ARHGAP17: variants seen among roughly 807,000 people sequenced by gnomAD.
ARHGAP17 encodes rho GTPase-activating protein 17.
A neutral mutation model predicts 99.5 loss-of-function variants in ARHGAP17; 57 were observed. The ratio of observed to expected loss-of-function variants is 0.57; its 90% CI spans 0.46 to 0.71. ARHGAP17 has a LOEUF of 0.71. Among genes scored for constraint, ARHGAP17 ranks in the 30% least tolerant of loss-of-function variants. ARHGAP17 has a pLI of 0.00. For missense variants in ARHGAP17, 1,000 were observed against 1,122.4 expected (o/e 0.89, Z 1.56); for synonymous variants, 417 against 429.6 (o/e 0.97, Z 0.36).
At chr16:24,947,322 G>A (rs1471123890) in intron 14 of ARHGAP17, among the ~76,000 whole-genome samples, 160 bp downstream of exon 14, 1 of 152,184 alleles carries the variant, frequency 6.6e-6, no homozygotes. Context: ...ACAGCACCCA[G>A]CTCACAGCTG....
intron 18 of ARHGAP17, among the ~76,000 whole-genome samples, 162 bp from the exon 19 acceptor site, chr16:24,931,566 A>C (rs1251318361): frequency 6.6e-6 from 1 of 152,146 alleles, no homozygotes; most frequent in Non-Finnish European, 1.5e-5. Context: ...CTTCCTCCCC[A>C]AAGCCCATAA....
intron 17 of ARHGAP17, chr16:24,936,075 C>T (rs192944566): frequency 4.7e-5 from 14 of 296,434 alleles, no homozygotes; most frequent in African/African-American, 2.7e-4. Flanking sequence ...TGCGTTTGGA[C>T]TTAAATTGGG....
At chr16:24,985,217 T>TA (rs1429196227) in intron 1 of ARHGAP17, among the ~76,000 whole-genome samples, 1 of 151,974 alleles carries the variant, frequency 6.6e-6, no homozygotes. Context: ...CTAAATAATA[T>TA]AAAGAATTAT....
chr16:25,002,466 T>C (rs2053388059), intron 1 of ARHGAP17, among the ~76,000 whole-genome samples: 2 of 152,174 alleles, frequency 1.3e-5, no homozygotes, highest in East Asian at 1.9e-4. Context: ...GCCAGCTGAC[T>C]TCCCACAGCA....
intron 18 of ARHGAP17, among the ~76,000 whole-genome samples, chr16:24,934,568 C>T (rs2051083155): frequency 6.6e-6 from 1 of 152,192 alleles, no homozygotes; most frequent in Non-Finnish European, 1.5e-5. Flanking sequence ...ATCCTCCTGC[C>T]TCAGCCTCCT....
At chr16:24,922,588 G>C (rs1482054061) in intron 19 of ARHGAP17, among the ~76,000 whole-genome samples, 1 of 151,876 alleles carries the variant, frequency 6.6e-6, no homozygotes, top group Non-Finnish European at 1.5e-5. Flanking sequence ...CAATGACTTT[G>C]TTTACACACA....
intron 9 of ARHGAP17, chr16:24,956,218 C>A (rs62032850): frequency 2.6e-5 from 4 of 151,996 alleles, no homozygotes; most frequent in African/African-American, 7.3e-5. Flanking sequence ...TGCTAAGGGG[C>A]GGGCATGCTT....
At chr16:25,008,329 A>AT (rs1303777053) in intron 1 of ARHGAP17, among the ~76,000 whole-genome samples, 3 of 152,168 alleles carry the variant, frequency 2.0e-5, no homozygotes, top group Non-Finnish European at 2.9e-5. Flanking sequence ...TGATTATGGG[A>AT]TTTTGTCCCA....
intron 14 of ARHGAP17, among the ~76,000 whole-genome samples, chr16:24,946,877 C>A (rs1055273548): frequency 5.9e-5 from 9 of 152,226 alleles, no homozygotes; most frequent in Non-Finnish European, 1.2e-4. Flanking sequence ...TTCAGTTCCA[C>A]CTGCTTCTTT....
rs944948943 is a variant in ARHGAP17, at chr16:25,015,319, T to G, written c.-58A>C. 2.4e-6 allele frequency: 3 copies of G among 1,250,684 alleles called. No homozygotes were observed. The highest frequency in any genetic ancestry group is 3.1e-5 in the African/African-American group (2 of 63,568). The allele number at this position is 1,250,684 out of a possible 1,614,324, so 77.5% of individuals were successfully genotyped here. On this transcript the variant is annotated 5_prime_UTR_variant, in exon 1 of 20. Transcript: ENST00000289968. ...GGGCCGGGCAGGGCGGGGGACAGCC[T>G]GGCAGCTACTACATCGCTTCCCGGC...
chr16:24,985,524 C>T (rs2052838672), intron 1 of ARHGAP17, among the ~76,000 whole-genome samples: 1 of 152,204 alleles, frequency 6.6e-6, no homozygotes, highest in African/African-American at 2.4e-5. Flanking sequence ...CTGCCACAGT[C>T]ACCTCTTCCT....
Position 24,959,969 on chromosome 16 carries a change from G to C in ARHGAP17, c.584C>G (p.Ala195Gly). Residue 195 changes from alanine (A) to glycine (G), a missense_variant, in exon 8 of 20, where the codon GCA (alanine) becomes GGA (glycine). By Grantham distance (60) the Ala-to-Gly change is moderately conservative (BLOSUM62 0). Transcript: ENST00000289968. ...NKVEQCKDQL[A>G]ADMYNFMAKE... The stretch of plus-strand genomic sequence containing the variant: ...GGCCATAAAGTTGTACATGTCTGCT[G>C]CAAGTTGATCCTGGGTAAATGGAAG... 2 of 1,614,002 alleles carry C rather than the reference G, an allele frequency of 1.2e-6. No homozygotes were observed. The highest frequency in any genetic ancestry group is 1.1e-5 in the South Asian group (1 of 91,054).
chr16:24,987,934 A>G (rs913972174), intron 1 of ARHGAP17, among the ~76,000 whole-genome samples: 2 of 152,244 alleles, frequency 1.3e-5, no homozygotes, highest in Non-Finnish European at 2.9e-5. Flanking sequence ...TAGGGTAACA[A>G]CATAAACATT....
Position 24,942,045 on chromosome 16 carries a change from C to G in ARHGAP17, c.1432G>C (p.Glu478Gln). 6.2e-7 allele frequency: 1 copy of G among 1,614,142 alleles called. No individual in the cohort carries two copies. The highest frequency in any genetic ancestry group is 8.5e-7 in the Non-Finnish European group (1 of 1,179,992). The change falls in exon 16 of 20, where the codon GAG becomes CAG. Residue 478 changes from glutamate to glutamine, a missense_variant. This residue lies in a region of ARHGAP17 where 472 missense variants were observed against 611.1 expected (regional missense o/e 0.77). Transcript: ENST00000289968. ...TGNDSDSGTLERKRPASMAVM... is the reference protein window; with the variant it reads ...TGNDSDSGTLQRKRPASMAVM... ...GCCATGCTAGCAGGCCGCTTCCTCTCCAGGGTCCCCGAGTCAGAGTCGTTT... is the reference window on the plus strand; with the variant it reads ...GCCATGCTAGCAGGCCGCTTCCTCTGCAGGGTCCCCGAGTCAGAGTCGTTT...
chr16:24,936,025 G>C (rs755808230), intron 17 of ARHGAP17: 9 of 318,518 alleles, frequency 2.8e-5, no homozygotes, highest in Non-Finnish European at 4.9e-5. Flanking sequence ...TCATCAGAGA[G>C]ACCATTTCAA....
rs530321422 is a variant in ARHGAP17 at position 24,919,760 on chromosome 16, C to T, written c.*370G>A. 8 of 163,814 alleles carry T rather than the reference C, an allele frequency of 4.9e-5. No homozygotes were observed. The highest frequency in any genetic ancestry group is 1.7e-4 in the African/African-American group (7 of 41,960). The allele number at this position is 163,814 out of a possible 1,614,324, so 10.1% of individuals were successfully genotyped here. A position where few individuals can be genotyped will look rare whatever the true frequency, so the allele number is the denominator to read the frequency against. On this transcript the variant is annotated 3_prime_UTR_variant, in exon 20 of 20. Coordinates refer to ENST00000289968, the MANE Select transcript of ARHGAP17 (RefSeq NM_001006634.3). ...CGCATTTTATTAAATAGATAGTTAACGCACTGCTTCTTACTCATTCCAAGT... is the reference window on the plus strand; with the variant it reads ...CGCATTTTATTAAATAGATAGTTAATGCACTGCTTCTTACTCATTCCAAGT...
chr16:24,946,764 T>C (rs538536818), intron 14 of ARHGAP17, among the ~76,000 whole-genome samples: 1 of 152,282 alleles, frequency 6.6e-6, no homozygotes, highest in Non-Finnish European at 1.5e-5. Context: ...GAACGAATCC[T>C]TATCTTCCTA....
intron 1 of ARHGAP17, among the ~76,000 whole-genome samples, chr16:25,001,874 A>T (rs1032957449): frequency 2.6e-5 from 4 of 151,930 alleles, no homozygotes; most frequent in Admixed American, 6.6e-5. Flanking sequence ...ACCTGAGGTC[A>T]GGAGTTCAAG....
chr16:24,950,836 CAAAAAAAA>C (rs1177614713), intron 12 of ARHGAP17, among the ~76,000 whole-genome samples: 1 of 39,444 alleles, frequency 2.5e-5, no homozygotes, highest in African/African-American at 1.0e-4. Flanking sequence ...GACTCCAACT[CAAAAAAAA>C]AAAAAAAAAA....
Sources: allele counts gnomAD v4.1 joint callset (sites outside exome capture counted in the v4.1 genomes callset), GRCh38; gene constraint gnomAD v4.1.1; regional missense constraint gnomAD v4.1.1; transcripts MANE v1.5; gene names NCBI Gene and HGNC (gene_info 2026-07-23, HGNC 2026-07-21).